Variants in ZNF410 observed in about 807,000 individuals in gnomAD.
The protein encoded by ZNF410 is zinc finger protein 410, also known as another partner for ARF 1.
Under a neutral mutation model 54.8 loss-of-function variants are expected in ZNF410, and 18 were observed. That is an observed-to-expected ratio of 0.33 (90% CI 0.23 to 0.49). The LOEUF is 0.49. Among genes scored for constraint, ZNF410 ranks in the 20% least tolerant of loss-of-function variants. The pLI, the probability that ZNF410 is intolerant of heterozygous loss-of-function variation, is 0.99. For synonymous variants in ZNF410, 191 were observed against 207.3 expected (o/e 0.92, Z 0.68); for missense variants, 405 against 569.6 (o/e 0.71, Z 2.94).
chr14:73,909,390 T>C lies in ZNF410; in HGVS notation c.963T>C (p.Ala321=), dbSNP rs759987361. 6.2e-7 allele frequency: 1 copy of C among 1,614,128 alleles called. No individual in the cohort carries two copies. The highest frequency in any genetic ancestry group is 8.5e-7 in the Non-Finnish European group (1 of 1,180,012). ...CCCAAGGATGTGGCCGTTCCTTTGC[T>C]GAGTATTCTAGCCTCCGAAAACATC... ...CEAQGCGRSF[A]EYSSLRKHLV... is the part of the protein sequence containing the mutation. Residue 321 remains alanine, a synonymous_variant, in exon 8 of 12, where the codon GCT becomes GCC. Coordinates refer to ENST00000555044, the MANE Select transcript of ZNF410 (RefSeq NM_021188.3).
intron 11 of ZNF410, among the ~76,000 whole-genome samples, chr14:73,925,538 C>T (rs778991948): frequency 6.6e-6 from 1 of 152,026 alleles, no homozygotes; most frequent in Non-Finnish European, 1.5e-5. Flanking sequence ...AGCAATTTTC[C>T]TGCCTCAGTC....
intron 2 of ZNF410, 33 bp from the exon 3 acceptor site, chr14:73,893,764 C>T (rs375512584): frequency 3.2e-4 from 511 of 1,577,508 alleles, no homozygotes; most frequent in Non-Finnish European, 4.1e-4. Context: ...TCTAACAACT[C>T]GTATTTCTCA....
intron 5 of ZNF410, 127 bp from the exon 6 acceptor site, chr14:73,903,833 C>T (rs2140304947): frequency 7.9e-7 from 1 of 1,268,268 alleles, no homozygotes; most frequent in Non-Finnish European, 1.1e-6. Flanking sequence ...ACAAAGATAA[C>T]TGGGGAAGAT....
intron 8 of ZNF410, among the ~76,000 whole-genome samples, chr14:73,910,753 C>CAAAA (rs755623044): frequency 1.4e-5 from 1 of 70,838 alleles, no homozygotes; most frequent in Non-Finnish European, 2.7e-5. Flanking sequence ...AACTCCGTCT[C>CAAAA]AAAAAAAAAA....
At chr14:73,904,809 A>C in intron 6 of ZNF410, 93 bp from the exon 7 acceptor site, 1 of 1,390,552 alleles carries the variant, frequency 7.2e-7, no homozygotes, top group Non-Finnish European at 9.6e-7. Context: ...TTTTGGACTT[A>C]CTGTTTGCCT....
chr14:73,896,330 C>A lies in ZNF410; in HGVS notation c.184C>A (p.His62Asn), dbSNP rs2055316636. 6.2e-7 allele frequency: 1 copy of A among 1,613,974 alleles called. No individual in the cohort carries two copies. The highest frequency in any genetic ancestry group is 2.2e-5 in the East Asian group (1 of 44,872). The change falls in exon 4 of 12, where the codon CAT becomes AAT. Residue 62 changes from histidine (H) to asparagine (N), a missense_variant. His to Asn is a moderately conservative substitution (Grantham distance 68). Around this residue, in one of 3 missense-constraint regions of ZNF410, gnomAD observed 247 missense variants for 342.8 expected, o/e 0.72. Transcript: ENST00000555044. ...CCCTTTACTAGATGATACTACAAAT[C>A]ATTCTAACTCCTCCAAGGAGGTCCC... ...RLMLPDDTTN[H>N]SNSSKEVPSS... is the part of the protein sequence containing the mutation.
At chr14:73,926,048 C>T (rs932574079) in intron 11 of ZNF410, among the ~76,000 whole-genome samples, 1 of 151,972 alleles carries the variant, frequency 6.6e-6, no homozygotes, top group Non-Finnish European at 1.5e-5. Flanking sequence ...GACAAAAACA[C>T]AATTAACTTT....
chr14:73,911,331 A>G (rs779642303), intron 8 of ZNF410, among the ~76,000 whole-genome samples: 7 of 152,180 alleles, frequency 4.6e-5, no homozygotes, highest in Non-Finnish European at 7.3e-5. Flanking sequence ...GTGGGAAACA[A>G]GGGGAAGCCA....
intron 7 of ZNF410, among the ~76,000 whole-genome samples, chr14:73,907,974 A>G (rs942630686): frequency 6.6e-6 from 1 of 152,128 alleles, no homozygotes; most frequent in Non-Finnish European, 1.5e-5. Flanking sequence ...TATGCTGAAT[A>G]TTTACCTGGT....
chr14:73,919,551 T>A (rs1242121603), intron 8 of ZNF410, among the ~76,000 whole-genome samples: 1 of 152,182 alleles, frequency 6.6e-6, no homozygotes, highest in African/African-American at 2.4e-5. Flanking sequence ...TGATTTTCTG[T>A]TTCTGTGTTA....
In ZNF410 at chr14:73,923,414, C is replaced by T. The variant is rs1439343195; in HGVS notation, c.1290C>T (p.Ser430=). The change falls in exon 11 of 12, where the codon TCC becomes TCT. Residue 430 remains serine (S), a synonymous_variant. Transcript: ENST00000555044. ...GVDDEVLAEG[S]PRSLSSVPDV... is the part of the protein sequence containing the mutation. ...TCACAGAGGTGCTTGCTGAAGGATC[C>T]CCACGTTCCCTGTCTTCAGTGCCTG... 6.2e-7 allele frequency: 1 copy of T among 1,613,012 alleles called. No individual in the cohort carries two copies. Among genetic ancestry groups the T allele is most frequent in the African/African-American group, 1.3e-5 (1 of 74,842 alleles).
At chr14:73,903,884 T>C (rs751457292) in intron 5 of ZNF410, 76 bp from the exon 6 acceptor site, 2 of 1,555,792 alleles carry the variant, frequency 1.3e-6, no homozygotes, top group Non-Finnish European at 1.7e-6. Flanking sequence ...GAGTAAAATA[T>C]AGGAGCTTTA....
intron 11 of ZNF410, among the ~76,000 whole-genome samples, chr14:73,926,200 A>G (rs1318357714): frequency 6.6e-6 from 1 of 152,198 alleles, no homozygotes; most frequent in Non-Finnish European, 1.5e-5. Context: ...ATTAAAAACT[A>G]TAATATCTTT....
intron 3 of ZNF410, 129 bp from the exon 4 acceptor site, chr14:73,896,187 T>G: frequency 1.5e-6 from 1 of 678,402 alleles, no homozygotes; most frequent in African/African-American, 1.8e-5. Flanking sequence ...AGTTTTTATT[T>G]GTGTAATGAG....
rs1199679404 is a variant in ZNF410 at position 73,904,012 on chromosome 14, C to T, written c.633C>T (p.Pro211=). The change falls in exon 6 of 12, where the codon CCC becomes CCT. Residue 211 remains proline (P), a synonymous_variant. Transcript: ENST00000555044. Reference sequence around the variant, plus strand: ...ATGGGCAGTCAAAAGATTCTGGGCCCCTTCCTCAAGTGGAAAAGAAGCTCA... The same window carrying T: ...ATGGGCAGTCAAAAGATTCTGGGCCTCTTCCTCAAGTGGAAAAGAAGCTCA... ...SGDGQSKDSG[P]LPQVEKKLKC... 1 of 1,614,054 alleles carries T rather than the reference C, an allele frequency of 6.2e-7. No homozygotes were observed. The highest frequency in any genetic ancestry group is 8.5e-7 in the Non-Finnish European group (1 of 1,180,042).
At chr14:73,909,681 T>A (rs2055548069) in intron 8 of ZNF410, 1 of 377,538 alleles carries the variant, frequency 2.6e-6, no homozygotes, top group African/African-American at 2.1e-5. Context: ...TCAGCAAATT[T>A]GTTTGGCACT....
Position 73,921,059 on chromosome 14 carries a change from T to A in ZNF410, c.1083T>A (p.His361Gln). The A allele has an allele frequency of 6.2e-7, 1 of 1,613,182 alleles. No homozygotes were observed. The highest frequency in any genetic ancestry group is 8.5e-7 in the Non-Finnish European group (1 of 1,179,734). ...GCAGGAATGTGCATATGAGAAAGCA[T>A]CACCTGCAGCTGGGAGCAGCTGGGA... Reference protein sequence around the residue: ...SGSRNVHMRKHHLQLGAAGSQ... With the variant: ...SGSRNVHMRKQHLQLGAAGSQ... Residue 361 changes from histidine to glutamine, a missense_variant, in exon 9 of 12, where the codon CAT becomes CAA. Physicochemically the swap from His to Gln is conservative, Grantham distance 24 (BLOSUM62 0). Coordinates refer to ENST00000555044, the MANE Select transcript of ZNF410 (RefSeq NM_021188.3).
chr14:73,920,631 C>T (rs2055741876), intron 8 of ZNF410: 1 of 190,754 alleles, frequency 5.2e-6, no homozygotes, highest in Non-Finnish European at 1.1e-5. Flanking sequence ...GGATTGAAAT[C>T]CTTGAGGAAA....
At chr14:73,919,665 C>T (rs1354764240) in intron 8 of ZNF410, among the ~76,000 whole-genome samples, 1 of 152,166 alleles carries the variant, frequency 6.6e-6, no homozygotes, top group East Asian at 1.9e-4. Flanking sequence ...GTATGTGCCA[C>T]ATTTTCTGTA....
Sources: gnomAD v4.1 joint callset for allele counts (sites outside exome capture counted in the v4.1 genomes callset) on GRCh38, gnomAD v4.1.1 for gene constraint, gnomAD v4.1.1 regional missense constraint, MANE v1.5 for transcripts, NCBI Gene and HGNC (gene_info 2026-07-23, HGNC 2026-07-21) for gene names.